Variants in FBXO34 observed in about 807,000 individuals in gnomAD.
FBXO34 encodes F-box only protein 34.
A neutral mutation model predicts 24.5 loss-of-function variants in FBXO34; 12 were observed. The ratio of observed to expected loss-of-function variants is 0.49; its 90% CI spans 0.31 to 0.79. The LOEUF (loss-of-function observed/expected upper bound fraction) is 0.79. FBXO34 is among the 30% of genes least tolerant of loss of function. The pLI is 0.04. For synonymous variants in FBXO34, 320 were observed against 311.9 expected (o/e 1.03, Z -0.27); for missense variants, 823 against 857.7 (o/e 0.96, Z 0.51).
the FBXO34 span, chr14:55,377,768 C>G: frequency 7.3e-7 from 1 of 1,377,350 alleles, no homozygotes; most frequent in African/African-American, 1.5e-5. Context: ...TACAACTCCT[C>G]TAACAGGATT....
At chr14:55,291,116 C>A (rs1169505915) in intron 1 of FBXO34, among the ~76,000 whole-genome samples, 1 of 152,168 alleles carries the variant, frequency 6.6e-6, no homozygotes, top group Non-Finnish European at 1.5e-5. Context: ...CATGAGCCAT[C>A]ATGCCTGGCC....
chr14:55,352,808 C>G lies in FBXO34; in HGVS notation c.*282C>G, dbSNP rs1343107691. The G allele has an allele frequency of 2.8e-6, 1 of 352,172 alleles. No individual in the cohort carries two copies. Among genetic ancestry groups the G allele is most frequent in the Admixed American group, 4.5e-5 (1 of 22,240 alleles). The allele number at this position is 352,172 out of a possible 1,614,324, so 21.8% of individuals were successfully genotyped here. ...CCTGTTTTCCTAAATCAAACCCATC[C>G]TCAAAGGATGAAGACTCACCACCAT... On this transcript the variant is annotated 3_prime_UTR_variant, in exon 2 of 2. Coordinates refer to ENST00000313833, the MANE Select transcript of FBXO34 (RefSeq NM_017943.4).
At chr14:55,417,821 G>A in the FBXO34 span, among the ~76,000 whole-genome samples, 1 of 152,204 alleles carries the variant, frequency 6.6e-6, no homozygotes, top group Non-Finnish European at 1.5e-5. Flanking sequence ...TAACCTTGGT[G>A]ACTAAGGTGA....
At chr14:55,293,659 G>A (rs1258902102) in intron 1 of FBXO34, among the ~76,000 whole-genome samples, 1 of 151,444 alleles carries the variant, frequency 6.6e-6, no homozygotes, top group Non-Finnish European at 1.5e-5. Flanking sequence ...AAAAAGTATT[G>A]CTTAGTAAAT....
chr14:55,378,332 C>T, the FBXO34 span, among the ~76,000 whole-genome samples: 2 of 152,194 alleles, frequency 1.3e-5, no homozygotes, highest in Non-Finnish European at 1.5e-5. Flanking sequence ...AATATCTGCA[C>T]ACTAATGAAA....
chr14:55,360,207 G>C (rs1884575150), intron 3 of FBXO34, among the ~76,000 whole-genome samples: 1 of 152,038 alleles, frequency 6.6e-6, no homozygotes, highest in African/African-American at 2.4e-5. Flanking sequence ...CAAGTAGCTG[G>C]GACTACAGGT....
At chr14:55,379,258 G>A in the FBXO34 span, among the ~76,000 whole-genome samples, 1 of 152,106 alleles carries the variant, frequency 6.6e-6, no homozygotes, top group East Asian at 1.9e-4. Context: ...GATGATGGCC[G>A]GGTGCAGTGG....
At chr14:55,313,139 C>G (rs1293969102) in intron 1 of FBXO34, among the ~76,000 whole-genome samples, 1 of 152,150 alleles carries the variant, frequency 6.6e-6, no homozygotes, top group Non-Finnish European at 1.5e-5. Context: ...AGCTTTGCGG[C>G]GTAAACATTT....
chr14:55,298,852 T>C, intron 1 of FBXO34: 2 of 1,612,268 alleles, frequency 1.2e-6, no homozygotes, highest in African/African-American at 1.3e-5. Flanking sequence ...CTGGCGCAGA[T>C]CGACGGTACA....
intron 1 of FBXO34, among the ~76,000 whole-genome samples, chr14:55,273,924 GC>G (rs1173288746): frequency 2.0e-5 from 3 of 152,202 alleles, no homozygotes; most frequent in Non-Finnish European, 2.9e-5. Flanking sequence ...TCCTGGCTCA[GC>G]CCCTCGAATA....
chr14:55,309,656 G>T (rs72715784), intron 1 of FBXO34, among the ~76,000 whole-genome samples: 1,704 of 152,206 alleles, frequency 0.011, 15 homozygotes, highest in Middle Eastern at 0.027. Context: ...AAACATTAGT[G>T]CATTCACTGC....
intron 1 of FBXO34, among the ~76,000 whole-genome samples, chr14:55,302,579 CTG>C (rs1882400995): frequency 6.6e-6 from 1 of 151,678 alleles, no homozygotes; most frequent in South Asian, 2.1e-4. Context: ...GTGTGAGCCA[CTG>C]CACTTGGCCC....
downstream of FBXO34, chr14:55,369,260 C>T (rs1240208573): frequency 5.8e-6 from 1 of 172,016 alleles, no homozygotes; most frequent in African/African-American, 2.4e-5. Flanking sequence ...CTCAGCACCG[C>T]AAGGACCAGC....
At chr14:55,350,156 T>C (rs1203839548) in intron 1 of FBXO34, among the ~76,000 whole-genome samples, 1 of 137,238 alleles carries the variant, frequency 7.3e-6, no homozygotes, top group Non-Finnish European at 1.6e-5. Flanking sequence ...CAATTTATTT[T>C]CTGTAAAAAA....
chr14:55,430,398 T>TA, the FBXO34 span, among the ~76,000 whole-genome samples: 775 of 119,776 alleles, frequency 6.5e-3, 4 homozygotes, highest in South Asian at 0.014. Context: ...TCACCCACTT[T>TA]AAAAAAAAAA....
chr14:55,413,937 G>A, the FBXO34 span: 9 of 487,818 alleles, frequency 1.8e-5, no homozygotes, highest in Non-Finnish European at 3.2e-5. Flanking sequence ...TTCCCTTGAT[G>A]TCTACAATAT....
At chr14:55,394,566 A>C in the FBXO34 span, among the ~76,000 whole-genome samples, 5 of 152,306 alleles carry the variant, frequency 3.3e-5, no homozygotes, top group African/African-American at 9.6e-5. Flanking sequence ...TAGCATGTAC[A>C]CTACAGATTC....
At chr14:55,369,861 C>A (rs771426493), downstream of FBXO34, 2 of 1,614,188 alleles carry the variant, frequency 1.2e-6, no homozygotes, top group Admixed American at 3.3e-5. Flanking sequence ...GATTCTCCAG[C>A]AACTCCGGGA....
At chr14:55,317,810 C>G (rs1462844584) in intron 1 of FBXO34, among the ~76,000 whole-genome samples, 3 of 152,164 alleles carry the variant, frequency 2.0e-5, no homozygotes, top group Non-Finnish European at 2.9e-5. Flanking sequence ...TGCACATGTT[C>G]ACTTAAACTG....
Sources: allele counts gnomAD v4.1 joint callset (sites outside exome capture counted in the v4.1 genomes callset), GRCh38; gene constraint gnomAD v4.1.1; transcripts MANE v1.5; gene names NCBI Gene and HGNC (gene_info 2026-07-23, HGNC 2026-07-21).